The following USP17L2 variants were observed in gnomAD, a reference collection of about 807,000 sequenced individuals.
The protein encoded by USP17L2 is ubiquitin specific peptidase 17 like family member 2.
Under a neutral mutation model 39.8 loss-of-function variants are expected in USP17L2, and 29 were observed. The observed-to-expected ratio is 0.73, with a 90% confidence interval of 0.54 to 0.99. The LOEUF (loss-of-function observed/expected upper bound fraction) is 0.99, where lower values mean the gene tolerates loss of function less well. USP17L2 is among the 50% of genes least tolerant of loss of function. The pLI is 0.00. For missense variants in USP17L2, 567 were observed against 647.2 expected (o/e 0.88, Z 1.35); for synonymous variants, 231 against 252.7 (o/e 0.91, Z 0.81).
At position 12,136,529 on chromosome 8, in the gene USP17L2, A is replaced by C. The variant is rs560014357; in HGVS notation, c.*639T>G. Reference sequence around the variant, plus strand: ...CCATTTCGACTCATTGGAATTGGACATCGTGAAACAGGCAAGTCGGTCTGT... The same window carrying C: ...CCATTTCGACTCATTGGAATTGGACCTCGTGAAACAGGCAAGTCGGTCTGT... On this transcript the variant is annotated 3_prime_UTR_variant, in exon 1 of 1. Coordinates refer to ENST00000333796, the MANE Select transcript of USP17L2 (RefSeq NM_201402.3). Among the ~76,000 whole-genome samples the C allele has an allele frequency of 8.0e-4, 113 of 140,474 alleles. 24 individuals are homozygous for C. The East Asian group carries it at 0.025, about 31-fold the overall frequency. 92.2% of individuals were successfully genotyped at this position (140,474 alleles called of 152,430 possible).
chr8:12,137,159 C>G lies in USP17L2; in HGVS notation c.*9G>C. ...CACCCCTACGTGTGGGTCGGCACTT[C>G]CACTGAGATCACTGGCACACAAGCA... On this transcript the variant is annotated 3_prime_UTR_variant, in exon 1 of 1. Coordinates refer to ENST00000333796, the MANE Select transcript of USP17L2 (RefSeq NM_201402.3). The G allele has an allele frequency of 3.3e-6, 5 of 1,530,272 alleles. 1 individual carries two copies. Among genetic ancestry groups the G allele is most frequent in the Non-Finnish European group, 4.4e-6 (5 of 1,134,802 alleles). 94.8% of individuals were successfully genotyped at this position (1,530,272 alleles called of 1,614,324 possible). A position where few individuals can be genotyped will look rare whatever the true frequency, so the allele number is the denominator to read the frequency against.
In USP17L2 at chr8:12,137,749, A is replaced by C; in HGVS notation, c.1012T>G (p.Tyr338Asp). The C allele has an allele frequency of 6.6e-7, 1 of 1,518,288 alleles. No individual in the cohort carries two copies. The highest frequency in any genetic ancestry group is 8.9e-7 in the Non-Finnish European group (1 of 1,122,696). The allele number at this position is 1,518,288 out of a possible 1,614,324, so 94.1% of individuals were successfully genotyped here. ...CACTGGCCTTCTTGAGCTTTGACAT[A>C]AGAGAAGTAATGTCCGTCGTGACAA... ...WSCHDGHYFS[Y>D]VKAQEGQWYK... is the part of the protein sequence containing the mutation. The change falls in exon 1 of 1, where the codon TAT becomes GAT. Residue 338 changes from tyrosine to aspartate, a missense_variant. By Grantham distance (160) the Tyr-to-Asp change is radical. Transcript: ENST00000333796.
rs1338655278 is a variant in USP17L2, at chr8:12,136,580, A to G, written c.*588T>C. On this transcript the variant is annotated 3_prime_UTR_variant, in exon 1 of 1. Transcript: ENST00000333796. ...CTGTTTCCGGCGTTATGTGGGTTCC[A>G]GCAAGAGCACAAGTCCCAGGGCGCC... is the stretch of plus-strand genomic sequence containing the variant. Among the ~76,000 whole-genome samples, 6 of 140,638 alleles carry G rather than the reference A, an allele frequency of 4.3e-5. No individual in the cohort carries two copies. The highest frequency in any genetic ancestry group is 1.6e-4 in the African/African-American group (6 of 37,368). The allele number at this position is 140,638 out of a possible 152,430, so 92.3% of individuals were successfully genotyped here. A position where few individuals can be genotyped will look rare whatever the true frequency, so the allele number is the denominator to read the frequency against.
In USP17L2 at chr8:12,138,678, G is replaced by T; in HGVS notation, c.83C>A (p.Ala28Asp). ...AGAAGTCCGCTGGATTTCAGCAAAA[G>T]CTGCATCTGGCCGAGAAGATGTGAG... ...SKLTSSRPDA[A>D]FAEIQRTSLP... Residue 28 changes from alanine to aspartate, a missense_variant, in exon 1 of 1, where the codon GCT (alanine) becomes GAT (aspartate). Around this residue, in one of 6 missense-constraint regions of USP17L2, gnomAD observed 120 missense variants for 111.0 expected, o/e 1.08. Transcript: ENST00000333796. The T allele has an allele frequency of 6.7e-7, 1 of 1,493,394 alleles. No homozygotes were observed. The highest frequency in any genetic ancestry group is 9.1e-7 in the Non-Finnish European group (1 of 1,100,864). The allele number at this position is 1,493,394 out of a possible 1,614,324, so 92.5% of individuals were successfully genotyped here. A position where few individuals can be genotyped will look rare whatever the true frequency, so the allele number is the denominator to read the frequency against.
Position 12,137,847 on chromosome 8 carries a change from G to A in USP17L2, c.914C>T (p.Pro305Leu), listed in dbSNP as rs1803311093. 1.3e-6 allele frequency: 2 copies of A among 1,492,104 alleles called. No individual in the cohort carries two copies. The highest frequency in any genetic ancestry group is 2.6e-5 in the East Asian group (1 of 38,696). The allele number at this position is 1,492,104 out of a possible 1,614,324, so 92.4% of individuals were successfully genotyped here. Residue 305 changes from proline (P) to leucine (L), a missense_variant, in exon 1 of 1, where the codon CCA becomes CTA. Around this residue, in one of 6 missense-constraint regions of USP17L2, gnomAD observed 65 missense variants for 84.8 expected, o/e 0.77. Coordinates refer to ENST00000333796, the MANE Select transcript of USP17L2 (RefSeq NM_201402.3). ...TCCTGTGTTCTGCTGAGACATGTAT[G>A]GCTGCATGTCAAGGCACTCAGGATA... Reference protein sequence around the residue: ...VQYPECLDMQPYMSQQNTGPL... With the variant: ...VQYPECLDMQLYMSQQNTGPL...
In USP17L2 at chr8:12,137,081, G is replaced by T. The variant is rs1585165689; in HGVS notation, c.*87C>A. On this transcript the variant is annotated 3_prime_UTR_variant, in exon 1 of 1. Coordinates refer to ENST00000333796, the MANE Select transcript of USP17L2 (RefSeq NM_201402.3). The stretch of plus-strand genomic sequence containing the variant: ...ACGGTGTTCGTGTTTGTGTGTGTGT[G>T]TGTGTTTGCGTGCGCGCTTGTGGGT... The T allele has an allele frequency of 7.3e-7, 1 of 1,371,296 alleles. No individual in the cohort carries two copies. Among genetic ancestry groups the T allele is most frequent in the Non-Finnish European group, 1.0e-6 (1 of 994,730 alleles). 84.9% of individuals were successfully genotyped at this position (1,371,296 alleles called of 1,614,324 possible).
Position 12,138,564 on chromosome 8 carries a change from T to A in USP17L2, c.197A>T (p.Lys66Met). 6.5e-7 allele frequency: 1 copy of A among 1,530,848 alleles called. No homozygotes were observed. Among genetic ancestry groups the A allele is most frequent in the South Asian group, 1.2e-5 (1 of 81,356 alleles). 94.8% of individuals were successfully genotyped at this position (1,530,848 alleles called of 1,614,324 possible). Residue 66 changes from lysine to methionine, a missense_variant, in exon 1 of 1, where the codon AAG becomes ATG. Transcript: ENST00000333796. Reference sequence around the variant, plus strand: ...TCTCCTGCTACTCAGAGGAAGCTTCTTCCTGGGAGCAAGCTGTCTTGCCAC... The same window carrying A: ...TCTCCTGCTACTCAGAGGAAGCTTCATCCTGGGAGCAAGCTGTCTTGCCAC... ...APVARQLAPR[K>M]KLPLSSRRPA...
Position 12,136,635 on chromosome 8 carries a change from C to T in USP17L2, c.*533G>A, listed in dbSNP as rs1189677997. ...GTCCATTCAGAAACCAATGTAAAAA[C>T]GGTGAGCCAGGGTAAGAAAGAAGAG... On this transcript the variant is annotated 3_prime_UTR_variant, in exon 1 of 1. Coordinates refer to ENST00000333796, the MANE Select transcript of USP17L2 (RefSeq NM_201402.3). Among the ~76,000 whole-genome samples, 3 of 140,276 alleles carry T rather than the reference C, an allele frequency of 2.1e-5. No homozygotes were observed. Among genetic ancestry groups the T allele is most frequent in the Admixed American group, 7.3e-5 (1 of 13,764 alleles). The allele number at this position is 140,276 out of a possible 152,430, so 92.0% of individuals were successfully genotyped here.
rs1441232106 is a variant in USP17L2, at chr8:12,136,623, C to T, written c.*545G>A. ...AGGGCGCCTGAGGTCCATTCAGAAA[C>T]CAATGTAAAAACGGTGAGCCAGGGT... On this transcript the variant is annotated 3_prime_UTR_variant, in exon 1 of 1. Transcript: ENST00000333796. 7.1e-6 allele frequency among the ~76,000 whole-genome samples: 1 copy of T among 140,304 alleles called. No individual in the cohort carries two copies. Among genetic ancestry groups the T allele is most frequent in the African/African-American group, 2.7e-5 (1 of 37,236 alleles). The allele number at this position is 140,304 out of a possible 152,430, so 92.0% of individuals were successfully genotyped here.
At position 12,138,462 on chromosome 8, in the gene USP17L2, T is replaced by C. The variant is rs1428562498; in HGVS notation, c.299A>G (p.Tyr100Cys). 1 of 1,540,170 alleles carries C rather than the reference T, an allele frequency of 6.5e-7. No individual in the cohort carries two copies. Among genetic ancestry groups the C allele is most frequent in the African/African-American group, 1.4e-5 (1 of 70,346 alleles). ...CATGTAGTTGGCAAGGGGCGGTGTG[T>C]ATGTCAGGCACTGCAGGGAAGCGTT... ...YENASLQCLT[Y>C]TPPLANYMLS... Residue 100 changes from tyrosine to cysteine, a missense_variant, in exon 1 of 1, where the codon TAC becomes TGC. Tyr to Cys is a radical substitution (Grantham distance 194). This residue lies in a region of USP17L2 where 67 missense variants were observed against 122.8 expected (regional missense o/e 0.55). Coordinates refer to ENST00000333796, the MANE Select transcript of USP17L2 (RefSeq NM_201402.3).
Position 12,138,308 on chromosome 8 carries a change from A to G in USP17L2, c.453T>C (p.Ala151=). ...CTTCCTGCTTGCCTCTATGGAAGCCAGCAGCCAATGCCTGTGAGGGCTGGA... is the reference window on the plus strand; with the variant it reads ...CTTCCTGCTTGCCTCTATGGAAGCCGGCAGCCAATGCCTGTGAGGGCTGGA... ...HVIQPSQALA[A]GFHRGKQEDA... is the part of the protein sequence containing the mutation. Residue 151 remains alanine, a synonymous_variant, in exon 1 of 1, where the codon GCT becomes GCC. Coordinates refer to ENST00000333796, the MANE Select transcript of USP17L2 (RefSeq NM_201402.3). 6.7e-7 allele frequency: 1 copy of G among 1,497,800 alleles called. No individual in the cohort carries two copies. Among genetic ancestry groups the G allele is most frequent in the Non-Finnish European group, 9.1e-7 (1 of 1,103,362 alleles). 92.8% of individuals were successfully genotyped at this position (1,497,800 alleles called of 1,614,324 possible).
Position 12,138,588 on chromosome 8 carries a change from A to G in USP17L2, c.173T>C (p.Val58Ala), listed in dbSNP as rs765177830. The change falls in exon 1 of 1, where the codon GTG becomes GCG. Residue 58 changes from valine (V) to alanine (A), a missense_variant. Transcript: ENST00000333796. ...CTTCCTGGGAGCAAGCTGTCTTGCC[A>G]CAGGAGCCAAATCATCACAGAGGTC... ...RVDLCDDLAPVARQLAPRKKL... is the reference protein window; with the variant it reads ...RVDLCDDLAPAARQLAPRKKL... The G allele has an allele frequency of 6.5e-7, 1 of 1,530,970 alleles. No homozygotes were observed. The highest frequency in any genetic ancestry group is 1.2e-5 in the South Asian group (1 of 81,308). The allele number at this position is 1,530,970 out of a possible 1,614,324, so 94.8% of individuals were successfully genotyped here. A position where few individuals can be genotyped will look rare whatever the true frequency, so the allele number is the denominator to read the frequency against.
In USP17L2 at chr8:12,138,662, C is replaced by T. The variant is rs767216701; in HGVS notation, c.99G>A (p.Gln33=). The change falls in exon 1 of 1, where the codon CAG becomes CAA. Residue 33 remains glutamine (Q), a synonymous_variant. Transcript: ENST00000333796. The part of the protein sequence containing the change: ...SRPDAAFAEI[Q]RTSLPEKSPL... ...GTGACTTCTCAGGGAGAGAAGTCCG[C>T]TGGATTTCAGCAAAAGCTGCATCTG... 1.3e-6 allele frequency: 2 copies of T among 1,521,656 alleles called. 1 individual carries two copies. Among genetic ancestry groups the T allele is most frequent in the East Asian group, 5.2e-5 (2 of 38,410 alleles). The allele number at this position is 1,521,656 out of a possible 1,614,324, so 94.3% of individuals were successfully genotyped here.
chr8:12,136,843 C>A lies in USP17L2; in HGVS notation c.*325G>T, dbSNP rs558972987. 1.2e-3 allele frequency among the ~76,000 whole-genome samples: 165 copies of A among 140,616 alleles called. 12 individuals carry two copies. The highest frequency in any genetic ancestry group is 0.011 in the Middle Eastern group (3 of 262). 92.2% of individuals were successfully genotyped at this position (140,616 alleles called of 152,430 possible). ...TGCAATAACCTCACACTCAAACCTACACGTCAGTAGGTCATATTCAGAAAT... is the reference window on the plus strand; with the variant it reads ...TGCAATAACCTCACACTCAAACCTAAACGTCAGTAGGTCATATTCAGAAAT... On this transcript the variant is annotated 3_prime_UTR_variant, in exon 1 of 1. Transcript: ENST00000333796.
rs1380316734 is a variant in USP17L2, at chr8:12,137,704, T to G, written c.1057A>C (p.Lys353Gln). 4 of 1,533,382 alleles carry G rather than the reference T, an allele frequency of 2.6e-6. 1 individual carries two copies. The highest frequency in any genetic ancestry group is 2.5e-5 in the South Asian group (2 of 81,358). 95.0% of individuals were successfully genotyped at this position (1,533,382 alleles called of 1,614,324 possible). The change falls in exon 1 of 1, where the codon AAG (lysine) becomes CAG (glutamine). Residue 353 changes from lysine (K) to glutamine (Q), a missense_variant. Coordinates refer to ENST00000333796, the MANE Select transcript of USP17L2 (RefSeq NM_201402.3). ...EGQWYKMDDA[K>Q]VTACSITSVL... is the part of the protein sequence containing the mutation. ...GAAGTGATGCTACAGGCAGTGACCT[T>G]GGCATCATCCATTTTATACCACTGG... is the stretch of plus-strand genomic sequence containing the variant.
Position 12,138,372 on chromosome 8 carries a change from G to T in USP17L2, c.389C>A (p.Ala130Asp). Residue 130 changes from alanine (A) to aspartate (D), a missense_variant, in exon 1 of 1, where the codon GCT (alanine) becomes GAT (aspartate). Around this residue, in one of 6 missense-constraint regions of USP17L2, gnomAD observed 67 missense variants for 122.8 expected, o/e 0.55. Coordinates refer to ENST00000333796, the MANE Select transcript of USP17L2 (RefSeq NM_201402.3). ...PKCCMLCTMQ[A>D]HITWALHSPG... ...ACTGTGGAGGGCCCATGTGATGTGA[G>T]CTTGCATAGTACAGAGCATGCAGCA... is the stretch of plus-strand genomic sequence containing the variant. 1 of 1,494,152 alleles carries T rather than the reference G, an allele frequency of 6.7e-7. No homozygotes were observed. Among genetic ancestry groups the T allele is most frequent in the South Asian group, 1.2e-5 (1 of 81,004 alleles). 92.6% of individuals were successfully genotyped at this position (1,494,152 alleles called of 1,614,324 possible).
rs555626669 is a variant in USP17L2, at chr8:12,136,437, T to C, written c.*731A>G. The stretch of plus-strand genomic sequence containing the variant: ...TTTCAGTTGAATACACACACTCCTG[T>C]GTTTGATTTCCTTTATTATCAATAC... On this transcript the variant is annotated 3_prime_UTR_variant, in exon 1 of 1. Coordinates refer to ENST00000333796, the MANE Select transcript of USP17L2 (RefSeq NM_201402.3). 7.1e-6 allele frequency among the ~76,000 whole-genome samples: 1 copy of C among 141,054 alleles called. No homozygotes were observed. The highest frequency in any genetic ancestry group is 7.2e-5 in the Admixed American group (1 of 13,954). 92.5% of individuals were successfully genotyped at this position (141,054 alleles called of 152,430 possible). A position where few individuals can be genotyped will look rare whatever the true frequency, so the allele number is the denominator to read the frequency against.
At position 12,137,454 on chromosome 8, in the gene USP17L2, T is replaced by C. The variant is rs565617098; in HGVS notation, c.1307A>G (p.His436Arg). ...ERATQESTLD[H>R]WKFPQEQNKT... ...GTTTTGCTCTTGGGGGAATTTCCAG[T>C]GGTCTAAGGTGCTTTCCTGAGTGGC... is the stretch of plus-strand genomic sequence containing the variant. The change falls in exon 1 of 1, where the codon CAC (histidine) becomes CGC (arginine). Residue 436 changes from histidine (H) to arginine (R), a missense_variant. His to Arg is a conservative substitution (Grantham distance 29, BLOSUM62 0). This residue lies in a region of USP17L2 where 304 missense variants were observed against 254.7 expected (regional missense o/e 1.19). Transcript: ENST00000333796. 4.6e-6 allele frequency: 7 copies of C among 1,532,350 alleles called. No homozygotes were observed. In the African/African-American group the frequency reaches 5.9e-5, roughly 13 times the overall value. 94.9% of individuals were successfully genotyped at this position (1,532,350 alleles called of 1,614,324 possible).
rs753564542 is a variant in USP17L2 at position 12,137,678 on chromosome 8, A to G, written c.1083T>C (p.Ser361=). The stretch of plus-strand genomic sequence containing the variant: ...GGACATAGGCCTGTTGACTCAGGAC[A>G]GAAGTGATGCTACAGGCAGTGACCT... ...DAKVTACSIT[S]VLSQQAYVLF... is the part of the protein sequence containing the mutation. Residue 361 remains serine (S), a synonymous_variant, in exon 1 of 1, where the codon TCT becomes TCC. Coordinates refer to ENST00000333796, the MANE Select transcript of USP17L2 (RefSeq NM_201402.3). 2.9e-5 allele frequency: 44 copies of G among 1,533,482 alleles called. 8 individuals carry two copies. Among genetic ancestry groups the G allele is most frequent in the Non-Finnish European group, 3.8e-5 (43 of 1,134,614 alleles). The allele number at this position is 1,533,482 out of a possible 1,614,324, so 95.0% of individuals were successfully genotyped here.
Sources: allele counts gnomAD v4.1 joint callset (sites outside exome capture counted in the v4.1 genomes callset), GRCh38; gene constraint gnomAD v4.1.1; regional missense constraint gnomAD v4.1.1; transcripts MANE v1.5; gene names NCBI Gene and HGNC (gene_info 2026-07-23, HGNC 2026-07-21).